The following GFI1B variants were observed in gnomAD, a reference collection of about 807,000 sequenced individuals.
GFI1B encodes growth factor independent 1B transcriptional repressor.
In GFI1B, 20 loss-of-function variants were observed where a neutral mutation model predicts 35.3. The observed-to-expected ratio is 0.57, with a 90% CI of 0.40 to 0.82. GFI1B has a LOEUF of 0.82. Ranked by LOEUF, GFI1B falls within the 40% of genes least tolerant of loss-of-function variation. GFI1B has a pLI of 0.00. For synonymous variants in GFI1B, 178 were observed against 177.6 expected, an observed-to-expected ratio of 1.00 and a Z score of -0.02; for missense variants, 430 against 446.3, an observed-to-expected ratio of 0.96 and a Z score of 0.33.
downstream of GFI1B, among the ~76,000 whole-genome samples, chr9:132,993,369 A>T (rs1300773525): frequency 6.6e-6 from 1 of 152,120 alleles, no homozygotes; most frequent in Non-Finnish European, 1.5e-5. Flanking sequence ...TTCCTCTAGC[A>T]GAGCACAGAA....
chr9:132,953,938 AAAAT>A (rs927797569), intron 1 of GFI1B, among the ~76,000 whole-genome samples: 9 of 152,148 alleles, frequency 5.9e-5, no homozygotes, highest in Admixed American at 2.0e-4. Context: ...CTCCATCTCA[AAAAT>A]AAATAAATAA....
intron 1 of GFI1B, among the ~76,000 whole-genome samples, chr9:132,985,034 C>CA (rs1236018747): frequency 1.3e-5 from 2 of 152,152 alleles, no homozygotes; most frequent in Non-Finnish European, 2.9e-5. Context: ...CGGACCCTAT[C>CA]ACCCCTGCAG....
Position 132,989,617 on chromosome 9 carries a change from T to A in GFI1B, c.649-125T>A, listed in dbSNP as rs1292521628. The stretch of plus-strand genomic sequence containing the variant: ...CCCAGTTTCACCTCAGAGGCAGAGA[T>A]GAGGGGTCCCCCGGTCCTGCTCCTC... On this transcript the variant is annotated intron_variant, in intron 5 of 6. Transcript: ENST00000372122. This position sits in a 1 kb window ranked among gnomAD's most constrained non-coding sequence, Gnocchi z 6.2. 1.4e-6 allele frequency: 1 copy of A among 694,188 alleles called. No individual in the cohort carries two copies. The highest frequency in any genetic ancestry group is 2.5e-6 in the Non-Finnish European group (1 of 401,592). The allele number at this position is 694,188 out of a possible 1,614,324, so 43.0% of individuals were successfully genotyped here.
At chr9:132,961,644 T>G (rs1848366062) in intron 1 of GFI1B, among the ~76,000 whole-genome samples, 2 of 148,404 alleles carry the variant, frequency 1.3e-5, no homozygotes, top group South Asian at 4.3e-4. Context: ...CAGGCTGGAG[T>G]GCAGTGGTGC....
intron 1 of GFI1B, among the ~76,000 whole-genome samples, chr9:132,948,109 T>G (rs145163196): frequency 6.6e-6 from 1 of 152,352 alleles, no homozygotes; most frequent in African/African-American, 2.4e-5. Flanking sequence ...TTTCATTTGC[T>G]TTAACAAGCT....
Position 132,982,787 on chromosome 9 carries a change from G to A in GFI1B, c.-20-3872G>A, listed in dbSNP as rs192366582. 1.8e-3 allele frequency among the ~76,000 whole-genome samples: 272 copies of A among 152,208 alleles called. 1 individual carries two copies. The highest frequency in any genetic ancestry group is 5.1e-3 in the African/African-American group (212 of 41,512). On this transcript the variant is annotated intron_variant, in intron 1 of 6. Transcript: ENST00000372122. ...CCTCTGTGAGCCAGAGGGCTTGGCCGTGGCGTTGGCTGTGTCACTGTCACT... is the reference window on the plus strand; with the variant it reads ...CCTCTGTGAGCCAGAGGGCTTGGCCATGGCGTTGGCTGTGTCACTGTCACT...
chr9:132,968,923 T>C (rs1848490290), intron 1 of GFI1B, among the ~76,000 whole-genome samples: 1 of 152,198 alleles, frequency 6.6e-6, no homozygotes, highest in African/African-American at 2.4e-5. Flanking sequence ...TCTCCAGGAC[T>C]TTTTCATCTC....
At chr9:132,991,721 C>T (rs1849299980), downstream of GFI1B, 1 of 156,126 alleles carries the variant, frequency 6.4e-6, no homozygotes, top group African/African-American at 2.4e-5. Context: ...TATTAAGTGC[C>T]TATGAGGTCC....
chr9:132,991,723 ATGAG>A (rs1849300378), downstream of GFI1B: 1 of 156,232 alleles, frequency 6.4e-6, no homozygotes, highest in Non-Finnish European at 1.4e-5. Flanking sequence ...TTAAGTGCCT[ATGAG>A]GTCCAGGGTA....
chr9:132,965,626 G>A (rs954084005), intron 1 of GFI1B, among the ~76,000 whole-genome samples: 1 of 152,228 alleles, frequency 6.6e-6, no homozygotes. Flanking sequence ...ACACGGAGTG[G>A]GAGGCCCCAT....
At position 132,987,401 on chromosome 9, in the gene GFI1B, A is replaced by G. The variant is rs1429729062; in HGVS notation, c.220A>G (p.Arg74Gly). 1 of 1,614,256 alleles carries G rather than the reference A, an allele frequency of 6.2e-7. No individual in the cohort carries two copies. The highest frequency in any genetic ancestry group is 8.5e-7 in the Non-Finnish European group (1 of 1,180,036). The change falls in exon 3 of 7, where the codon AGG becomes GGG. Residue 74 changes from arginine (R) to glycine (G), a missense_variant. Physicochemically the swap from Arg to Gly is moderately radical, Grantham distance 125 (BLOSUM62 -2). Transcript: ENST00000372122. ...GCTGGAGCAGGACCAGAACTTGGCC[A>G]GGATGGCCCCGGCACCAGGTACCCC... ...PELEQDQNLA[R>G]MAPAPEGPIV...
At chr9:132,969,152 C>G (rs897016368) in intron 1 of GFI1B, among the ~76,000 whole-genome samples, 4 of 152,062 alleles carry the variant, frequency 2.6e-5, no homozygotes, top group African/African-American at 9.7e-5. Flanking sequence ...CCTCAGCCTC[C>G]TGAGTAGCTG....
rs1849286883 is a variant in GFI1B, at chr9:132,991,326, C to T, written c.*276C>T. 2.0e-6 allele frequency: 1 copy of T among 504,142 alleles called. No individual in the cohort carries two copies. The highest frequency in any genetic ancestry group is 2.1e-5 in the South Asian group (1 of 48,264). The allele number at this position is 504,142 out of a possible 1,614,324, so 31.2% of individuals were successfully genotyped here. A position where few individuals can be genotyped will look rare whatever the true frequency, so the allele number is the denominator to read the frequency against. ...GCTCAAGTGCCTTCCTCTAGCAGAG[C>T]ACAGAAAGCTAGAATACCCCCAGGG... On this transcript the variant is annotated 3_prime_UTR_variant, in exon 7 of 7. Transcript: ENST00000372122.
chr9:132,978,267 GAAGA>G (rs1304193422), upstream of GFI1B, among the ~76,000 whole-genome samples: 2 of 149,848 alleles, frequency 1.3e-5, no homozygotes, highest in Admixed American at 6.7e-5. Flanking sequence ...AGGGAGGGAG[GAAGA>G]AAGAAAGGAG....
intron 1 of GFI1B, chr9:132,951,629 T>C (rs184445696): frequency 6.6e-6 from 1 of 152,346 alleles, no homozygotes; most frequent in African/African-American, 2.4e-5. Flanking sequence ...TTCCAACCCT[T>C]AGTCACACGC....
At chr9:132,960,144 A>G (rs1848341893) in intron 1 of GFI1B, among the ~76,000 whole-genome samples, 1 of 152,184 alleles carries the variant, frequency 6.6e-6, no homozygotes, top group Non-Finnish European at 1.5e-5. Flanking sequence ...CGTCAAAATT[A>G]GAGTGATGAG....
intron 1 of GFI1B, among the ~76,000 whole-genome samples, chr9:132,947,442 A>T (rs1051938074): frequency 3.3e-5 from 5 of 151,214 alleles, no homozygotes; most frequent in African/African-American, 1.2e-4. Flanking sequence ...AAAGAAAAAG[A>T]GAATTCATGA....
In GFI1B at chr9:132,989,775, G is replaced by C. The variant is rs1367615343; in HGVS notation, c.682G>C (p.Ala228Pro). 6.2e-7 allele frequency: 1 copy of C among 1,614,048 alleles called. No individual in the cohort carries two copies. The highest frequency in any genetic ancestry group is 8.5e-7 in the Non-Finnish European group (1 of 1,179,862). Reference sequence around the variant, plus strand: ...CTTCGAGTGCCGCATGTGCGGCAAGGCCTTCAAGCGCTCGTCCACGCTGTC... The same window carrying C: ...CTTCGAGTGCCGCATGTGCGGCAAGCCCTTCAAGCGCTCGTCCACGCTGTC... ...RSFECRMCGK[A>P]FKRSSTLSTH... Residue 228 changes from alanine (A) to proline (P), a missense_variant, in exon 6 of 7, where the codon GCC becomes CCC. Transcript: ENST00000372122. This position sits in a 1 kb window ranked among gnomAD's most constrained non-coding sequence, Gnocchi z 6.2.
At chr9:132,947,583 T>C (rs1280376500) in intron 1 of GFI1B, among the ~76,000 whole-genome samples, 1 of 151,832 alleles carries the variant, frequency 6.6e-6, no homozygotes, top group African/African-American at 2.4e-5. Flanking sequence ...CCAAGGCAGG[T>C]AGATGGCTTG....
Sources: gnomAD v4.1 joint callset for allele counts (sites outside exome capture counted in the v4.1 genomes callset) on GRCh38, gnomAD v4.1.1 for gene constraint, Gnocchi (gnomAD v3.1) non-coding constraint, MANE v1.5 for transcripts, NCBI Gene and HGNC (gene_info 2026-07-23, HGNC 2026-07-21) for gene names.